The following DLG2 variants were observed in gnomAD, a reference collection of about 807,000 sequenced individuals.
DLG2 encodes discs large MAGUK scaffold protein 2, also known as disks large homolog 2.
DLG2 carries 45 observed loss-of-function variants against 132.5 expected under a neutral mutation model. That is an observed-to-expected ratio of 0.34 (90% confidence interval 0.27 to 0.44). DLG2 has a LOEUF of 0.44. DLG2 is among the 20% of genes least tolerant of loss of function. DLG2 has a pLI of 1.00. For missense variants in DLG2, 1,045 were observed against 1,196.9 expected, an observed-to-expected ratio of 0.87 and a Z score of 1.87; for synonymous variants, 424 against 419.6, an observed-to-expected ratio of 1.01 and a Z score of -0.13.
chr11:83,608,288 G>A (rs1488853983), intron 19 of DLG2, among the ~76,000 whole-genome samples: 4 of 151,946 alleles, frequency 2.6e-5, no homozygotes, highest in Non-Finnish European at 4.4e-5. Flanking sequence ...AATGAAGCTT[G>A]ATTTATAGTA....
At chr11:85,475,348 A>G (rs1275008223) in intron 3 of DLG2, among the ~76,000 whole-genome samples, 3 of 151,988 alleles carry the variant, frequency 2.0e-5, no homozygotes, top group African/African-American at 7.2e-5. Flanking sequence ...AAAATAGAAA[A>G]AAAATTAAAT....
Position 85,544,584 on chromosome 11 carries a change from G to C in DLG2, c.40+54073C>G, listed in dbSNP as rs1050369116. ...CTGAATCTATAAATTACTTTGGGCA[G>C]TATGGCCATTTTCACAATATTGATT... On this transcript the variant is annotated intron_variant, in intron 3 of 27. Coordinates refer to ENST00000376104, the MANE Select transcript of DLG2 (RefSeq NM_001142699.3). 7.2e-5 allele frequency among the ~76,000 whole-genome samples: 11 copies of C among 152,314 alleles called. No homozygotes were observed. In the South Asian group the frequency reaches 2.3e-3, roughly 32 times the overall value.
intron 18 of DLG2, among the ~76,000 whole-genome samples, chr11:83,635,986 ACT>A (rs1359394264): frequency 6.6e-6 from 1 of 152,184 alleles, no homozygotes; most frequent in Non-Finnish European, 1.5e-5. Flanking sequence ...AGAACTCTTA[ACT>A]TTTTCTGATC....
intron 6 of DLG2, among the ~76,000 whole-genome samples, chr11:84,904,297 T>C (rs1448715516): frequency 6.6e-6 from 1 of 152,196 alleles, no homozygotes; most frequent in Non-Finnish European, 1.5e-5. Context: ...GATCACATTT[T>C]CTTAAATTTC....
At chr11:84,067,321 G>A (rs964900092) in intron 10 of DLG2, among the ~76,000 whole-genome samples, 8 of 152,004 alleles carry the variant, frequency 5.3e-5, no homozygotes, top group Non-Finnish European at 1.2e-4. Context: ...GTAACAGAGC[G>A]AGACACCATC....
intron 10 of DLG2, 78 bp downstream of exon 10, chr11:84,098,845 A>C: frequency 1.3e-6 from 2 of 1,493,382 alleles, no homozygotes; most frequent in Non-Finnish European, 1.8e-6. Context: ...TAGAATTATT[A>C]TTCTTCAAAG....
intron 3 of DLG2, among the ~76,000 whole-genome samples, chr11:85,544,167 A>G (rs924214889): frequency 6.6e-6 from 1 of 152,160 alleles, no homozygotes; most frequent in African/African-American, 2.4e-5. Flanking sequence ...TAATTTTTGT[A>G]TAAGGTATAA....
At chr11:84,333,437 A>G (rs1184341832) in intron 7 of DLG2, among the ~76,000 whole-genome samples, 1 of 152,188 alleles carries the variant, frequency 6.6e-6, no homozygotes, top group African/African-American at 2.4e-5. Flanking sequence ...TTTTTGTTAC[A>G]TTACTGATCT....
At chr11:85,422,052 T>C (rs1489653162) in intron 3 of DLG2, among the ~76,000 whole-genome samples, 1 of 152,206 alleles carries the variant, frequency 6.6e-6, no homozygotes, top group Non-Finnish European at 1.5e-5. Context: ...TGCTGAGAAA[T>C]GTGCTTTTAA....
chr11:83,685,606 AT>A lies in DLG2; in HGVS notation c.1826-52282del, dbSNP rs544814272. On this transcript the variant is annotated intron_variant, in intron 18 of 27. Transcript: ENST00000376104. ...AAATTTGAGTGTCCCCAAGTTTGTC[AT>A]TAGACTTCTTTTTTATACTCGCTCC... is the stretch of plus-strand genomic sequence containing the variant. Among the ~76,000 whole-genome samples, 7 of 152,092 alleles carry A rather than the reference AT, an allele frequency of 4.6e-5. No individual in the cohort carries two copies. In the South Asian group the frequency reaches 1.5e-3, roughly 32 times the overall value.
intron 19 of DLG2, among the ~76,000 whole-genome samples, chr11:83,614,668 C>T (rs1287332063): frequency 2.0e-5 from 3 of 151,868 alleles, no homozygotes; most frequent in Admixed American, 2.0e-4. Flanking sequence ...TGCAGTGAGC[C>T]GTGATCACAC....
chr11:84,382,584 G>A (rs1016959940), intron 7 of DLG2, among the ~76,000 whole-genome samples: 5 of 152,134 alleles, frequency 3.3e-5, no homozygotes, highest in Non-Finnish European at 5.9e-5. Flanking sequence ...GCCTATGCCA[G>A]GCTGTAGATG....
intron 6 of DLG2, among the ~76,000 whole-genome samples, chr11:84,847,376 T>C (rs1031088267): frequency 6.6e-6 from 1 of 152,154 alleles, no homozygotes; most frequent in Non-Finnish European, 1.5e-5. Context: ...CCAATGAACT[T>C]GTCTATTTAG....
chr11:85,469,199 A>T (rs1245467505), intron 3 of DLG2: 2 of 152,128 alleles, frequency 1.3e-5, no homozygotes, highest in African/African-American at 4.8e-5. Context: ...ACTGCTTCTT[A>T]CCACCTTTAC....
At chr11:84,956,271 T>G (rs1376491017) in intron 6 of DLG2, among the ~76,000 whole-genome samples, 3 of 152,080 alleles carry the variant, frequency 2.0e-5, no homozygotes, top group Non-Finnish European at 4.4e-5. Context: ...GTATGAAAGC[T>G]CAAAGAGAGA....
chr11:84,883,979 T>C (rs1377557970), intron 6 of DLG2, among the ~76,000 whole-genome samples: 1 of 152,076 alleles, frequency 6.6e-6, no homozygotes, highest in Non-Finnish European at 1.5e-5. Flanking sequence ...ACACTATGCA[T>C]TATCCTGGTA....
At chr11:85,144,443 C>T (rs939479563) in intron 5 of DLG2, among the ~76,000 whole-genome samples, 4 of 149,414 alleles carry the variant, frequency 2.7e-5, no homozygotes, top group African/African-American at 9.8e-5. Flanking sequence ...TAGGTAAGAA[C>T]TTACTCCTCC....
chr11:84,538,828 G>A (rs113429226), intron 6 of DLG2, among the ~76,000 whole-genome samples: 2 of 152,038 alleles, frequency 1.3e-5, no homozygotes, highest in Admixed American at 6.5e-5. Context: ...AGACATTCCC[G>A]TGTTTTTTTT....
chr11:83,946,882 C>T (rs1369801726), intron 14 of DLG2, among the ~76,000 whole-genome samples: 2 of 152,162 alleles, frequency 1.3e-5, no homozygotes, highest in Non-Finnish European at 2.9e-5. Flanking sequence ...ACTGTGAGTG[C>T]CACACTCAGT....
Sources: gnomAD v4.1 joint callset for allele counts (sites outside exome capture counted in the v4.1 genomes callset) on GRCh38, gnomAD v4.1.1 for gene constraint, MANE v1.5 for transcripts, NCBI Gene and HGNC (gene_info 2026-07-23, HGNC 2026-07-21) for gene names.